The following MLLT10 variants were observed in gnomAD, a reference collection of about 807,000 sequenced individuals.
MLLT10 encodes MLLT10 histone lysine methyltransferase DOT1L cofactor, also known as protein AF-10.
In MLLT10, 30 loss-of-function variants were observed where a neutral mutation model predicts 129.1. That is an observed-to-expected ratio of 0.23 (90% CI 0.17 to 0.32). The LOEUF is 0.32. MLLT10 is among the 10% of genes least tolerant of loss of function. MLLT10 has a pLI of 1.00. For synonymous variants in MLLT10, 490 were observed against 446.4 expected, an observed-to-expected ratio of 1.10 and a Z score of -1.23; for missense variants, 1,119 against 1,268.3, an observed-to-expected ratio of 0.88 and a Z score of 1.79.
chr10:21,640,344 A>G (rs1363181958), intron 8 of MLLT10, among the ~76,000 whole-genome samples: 1 of 147,056 alleles, frequency 6.8e-6, no homozygotes, highest in Non-Finnish European at 1.5e-5. Context: ...CATAAAATAT[A>G]TATACACACA....
At chr10:21,619,152 G>C (rs557424449) in intron 8 of MLLT10, among the ~76,000 whole-genome samples, 9 of 151,988 alleles carry the variant, frequency 5.9e-5, no homozygotes, top group Non-Finnish European at 1.2e-4. Context: ...GACGGTAGTA[G>C]GAGCCTGTCT....
chr10:21,685,106 C>A (rs1039718733), intron 13 of MLLT10, among the ~76,000 whole-genome samples: 1 of 151,896 alleles, frequency 6.6e-6, no homozygotes, highest in Non-Finnish European at 1.5e-5. Flanking sequence ...TTTCTCTGGA[C>A]ACTTTTTTTT....
intron 12 of MLLT10, 85 bp from the exon 13 acceptor site, chr10:21,682,140 A>G: frequency 1.8e-6 from 2 of 1,095,970 alleles, no homozygotes; most frequent in Non-Finnish European, 2.7e-6. Flanking sequence ...AAATTTTATT[A>G]TACTAATTCA....
intron 3 of MLLT10, among the ~76,000 whole-genome samples, chr10:21,564,780 C>T (rs1215121008): frequency 1.3e-5 from 2 of 148,368 alleles, no homozygotes; most frequent in African/African-American, 2.5e-5. Context: ...GCCGCGATCG[C>T]ACCATTGCAC....
intron 8 of MLLT10, among the ~76,000 whole-genome samples, chr10:21,643,984 C>G (rs995926697): frequency 6.6e-6 from 1 of 152,154 alleles, no homozygotes; most frequent in Non-Finnish European, 1.5e-5. Flanking sequence ...TTTCTTTTAA[C>G]ACTTTAACAA....
Position 21,612,343 on chromosome 10 carries a change from C to G in MLLT10, c.406-5C>G, listed in dbSNP as rs764014743. The G allele has an allele frequency of 5.7e-6, 9 of 1,583,592 alleles. No individual in the cohort carries two copies. In the South Asian group the frequency reaches 1.0e-4, roughly 18 times the overall value. On this transcript the variant is annotated splice_polypyrimidine_tract_variant and splice_region_variant and intron_variant, in intron 5 of 22. Coordinates refer to ENST00000307729, the MANE Select transcript of MLLT10 (RefSeq NM_001195626.3). ...ATTTTTGTCTTTTTTTTTTTTAACC[C>G]CAAGACTTGCTACATTTGTGATGAA...
At chr10:21,610,919 T>C (rs1397679367) in intron 5 of MLLT10, among the ~76,000 whole-genome samples, 3 of 151,582 alleles carry the variant, frequency 2.0e-5, no homozygotes, top group Admixed American at 6.6e-5. Context: ...TTTTACTTTT[T>C]AGAGGTATAA....
chr10:21,542,482 T>C (rs2035346501), intron 3 of MLLT10, among the ~76,000 whole-genome samples: 2 of 152,100 alleles, frequency 1.3e-5, no homozygotes, highest in African/African-American at 4.8e-5. Context: ...AAGCAGGAGA[T>C]CCGCCCGAAC....
At chr10:21,575,927 T>A (rs2040686256) in intron 3 of MLLT10, among the ~76,000 whole-genome samples, 1 of 152,062 alleles carries the variant, frequency 6.6e-6, no homozygotes, top group Non-Finnish European at 1.5e-5. Flanking sequence ...TTGTTGTTTG[T>A]TTGTTTGTTT....
At chr10:21,555,707 C>T (rs1301298930) in intron 3 of MLLT10, among the ~76,000 whole-genome samples, 16 of 134,196 alleles carry the variant, frequency 1.2e-4, no homozygotes, top group Admixed American at 9.5e-4. Flanking sequence ...GAGGGAGTTT[C>T]ACTCTTGTTG....
intron 3 of MLLT10, among the ~76,000 whole-genome samples, chr10:21,547,247 A>G (rs145347109): frequency 6.6e-6 from 1 of 152,054 alleles, no homozygotes; most frequent in Non-Finnish European, 1.5e-5. Flanking sequence ...TAGTGATTGC[A>G]CTTAAAGTTT....
In MLLT10 at chr10:21,534,266, A is replaced by G. The variant is rs1055275905; in HGVS notation, c.-255A>G. 5.1e-6 allele frequency: 2 copies of G among 389,524 alleles called. No individual in the cohort carries two copies. The highest frequency in any genetic ancestry group is 7.1e-5 in the East Asian group (2 of 28,032). The allele number at this position is 389,524 out of a possible 1,614,324, so 24.1% of individuals were successfully genotyped here. A position where few individuals can be genotyped will look rare whatever the true frequency, so the allele number is the denominator to read the frequency against. ...AAGTGACGCTCCGAGGAGGAAGCGC[A>G]GCCCCCTTCCCCTCCCTCGCTGCCC... On this transcript the variant is annotated 5_prime_UTR_variant, in exon 1 of 23. Coordinates refer to ENST00000307729, the MANE Select transcript of MLLT10 (RefSeq NM_001195626.3).
chr10:21,718,524 T>C lies in MLLT10; in HGVS notation c.1878+4574T>C, dbSNP rs569516488. On this transcript the variant is annotated intron_variant, in intron 14 of 22. Transcript: ENST00000307729. ...ACTTAAGACTGAATGCAATGAAACA[T>C]AATTGCATTCCGTTACATCCTACTT... Among the ~76,000 whole-genome samples the C allele has an allele frequency of 2.0e-5, 3 of 152,308 alleles. No homozygotes were observed. In the South Asian group the frequency reaches 6.2e-4, roughly 32 times the overall value.
chr10:21,726,137 C>CTTATATTCT (rs954867185), intron 14 of MLLT10, 107 bp from the exon 15 acceptor site: 1 of 734,452 alleles, frequency 1.4e-6, no homozygotes, highest in African/African-American at 1.8e-5. Context: ...ACAAATTTTG[C>CTTATATTCT]TTATATTCTT....
chr10:21,743,456 TAATTTAAAA>T lies in MLLT10; in HGVS notation c.*1477_*1485del, dbSNP rs1564771600. The T allele has an allele frequency of 5.2e-5, 10 of 191,664 alleles. No homozygotes were observed. The South Asian group carries it at 1.4e-3, about 26-fold the overall frequency. 11.9% of individuals were successfully genotyped at this position (191,664 alleles called of 1,614,324 possible). ...ATTTTAAAGTCAAATCTTTTGTAGA[TAATTTAAAA>T]AATCAGTGTGGTTTATTTTACTTAT... On this transcript the variant is annotated 3_prime_UTR_variant, in exon 23 of 23. Transcript: ENST00000307729.
intron 5 of MLLT10, among the ~76,000 whole-genome samples, chr10:21,611,162 ATTTT>A (rs754596411): frequency 8.7e-6 from 1 of 115,512 alleles, no homozygotes. Context: ...ATGCCCGGCT[ATTTT>A]TTTTTTTTTT....
intron 3 of MLLT10, among the ~76,000 whole-genome samples, chr10:21,549,725 CG>C (rs1204972594): frequency 1.1e-4 from 17 of 148,860 alleles, no homozygotes; most frequent in African/African-American, 3.5e-4. Flanking sequence ...GCAGTGGCCG[CG>C]ATCCTCTACT....
intron 11 of MLLT10, among the ~76,000 whole-genome samples, chr10:21,680,717 A>G (rs965615172): frequency 9.9e-5 from 15 of 151,994 alleles, no homozygotes; most frequent in Non-Finnish European, 1.8e-4. Flanking sequence ...CACGTCGGTA[A>G]TCCCAGCACT....
At chr10:21,569,024 C>T (rs1156923153) in intron 3 of MLLT10, among the ~76,000 whole-genome samples, 3 of 152,100 alleles carry the variant, frequency 2.0e-5, no homozygotes, top group African/African-American at 4.8e-5. Context: ...ATTAATATCA[C>T]AGTTGTAAGA....
Sources: gnomAD v4.1 joint callset for allele counts (sites outside exome capture counted in the v4.1 genomes callset) on GRCh38, gnomAD v4.1.1 for gene constraint, MANE v1.5 for transcripts, NCBI Gene and HGNC (gene_info 2026-07-23, HGNC 2026-07-21) for gene names.